The following NTRK2 variants were observed in gnomAD, a reference collection of about 807,000 sequenced individuals.
NTRK2 encodes the protein neurotrophic receptor tyrosine kinase 2.
A neutral mutation model predicts 94.5 loss-of-function variants in NTRK2; 13 were observed. That is an observed-to-expected ratio of 0.14 (90% CI 0.09 to 0.22). The LOEUF (loss-of-function observed/expected upper bound fraction) is 0.22. Among genes scored for constraint, NTRK2 ranks in the 10% least tolerant of loss-of-function variants. The pLI, the probability that NTRK2 is intolerant of heterozygous loss-of-function variation, is 1.00. For synonymous variants in NTRK2, 372 were observed against 407.4 expected (o/e 0.91, Z 1.05); for missense variants, 639 against 1,071.2 (o/e 0.60, Z 5.63).
chr9:84,880,013 G>A (rs936350378), intron 14 of NTRK2, among the ~76,000 whole-genome samples: 17 of 152,026 alleles, frequency 1.1e-4, no homozygotes, highest in African/African-American at 3.9e-4. Context: ...ATATAAAGCC[G>A]TTATTTTTAT....
chr9:84,761,317 G>C (rs2065545299), intron 12 of NTRK2, among the ~76,000 whole-genome samples: 1 of 152,146 alleles, frequency 6.6e-6, no homozygotes, highest in African/African-American at 2.4e-5. Flanking sequence ...AGGGTGCTGT[G>C]GGGAGGGAGA....
intron 2 of NTRK2, among the ~76,000 whole-genome samples, chr9:84,694,245 A>G (rs551404195): frequency 2.8e-4 from 43 of 152,146 alleles, no homozygotes; most frequent in Non-Finnish European, 5.0e-4. Context: ...CTTCTGAAAA[A>G]TGGGAACAAT....
intron 12 of NTRK2, among the ~76,000 whole-genome samples, chr9:84,783,276 T>C (rs1449995211): frequency 6.6e-6 from 1 of 152,248 alleles, no homozygotes; most frequent in Non-Finnish European, 1.5e-5. Context: ...TTTGTATCTG[T>C]ATCACATTTT....
At chr9:84,830,874 C>G (rs1050556581) in intron 12 of NTRK2, among the ~76,000 whole-genome samples, 6 of 152,048 alleles carry the variant, frequency 3.9e-5, no homozygotes, top group Admixed American at 2.0e-4. Flanking sequence ...TCCTGCCACC[C>G]AGAAATATTT....
intron 9 of NTRK2, among the ~76,000 whole-genome samples, chr9:84,740,269 T>G (rs1275739568): frequency 6.6e-6 from 1 of 152,240 alleles, no homozygotes; most frequent in Admixed American, 6.5e-5. Flanking sequence ...GCTGCTGCTT[T>G]ATTCATTGAG....
chr9:84,968,699 G>A (rs576300836), intron 17 of NTRK2, among the ~76,000 whole-genome samples: 1 of 152,290 alleles, frequency 6.6e-6, no homozygotes, highest in South Asian at 2.1e-4. Context: ...TCTCATCTTA[G>A]TAAAATGGTA....
rs750741559 is a variant in NTRK2 at position 84,934,178 on chromosome 9, G to A, written c.1650G>A (p.Lys550=). Residue 550 remains lysine, a synonymous_variant, in exon 15 of 19, where the codon AAG becomes AAA. Coordinates refer to ENST00000277120, the MANE Select transcript of NTRK2 (RefSeq NM_006180.6). The stretch of plus-strand genomic sequence containing the variant: ...GTTTTGCAGTTGTTCAGCACATCAA[G>A]CGACATAACATTGTTCTGAAAAGGG... ...LKPDTFVQHI[K]RHNIVLKREL... 1 of 1,613,950 alleles carries A rather than the reference G, an allele frequency of 6.2e-7. No homozygotes were observed.
At chr9:84,995,432 C>T (rs371585195) in intron 17 of NTRK2, among the ~76,000 whole-genome samples, 1 of 152,024 alleles carries the variant, frequency 6.6e-6, no homozygotes, top group African/African-American at 2.4e-5. Flanking sequence ...TCTCACTTTG[C>T]CCAATGAGAC....
intron 17 of NTRK2, among the ~76,000 whole-genome samples, chr9:85,014,304 G>T (rs1831973951): frequency 6.6e-6 from 1 of 152,146 alleles, no homozygotes; most frequent in African/African-American, 2.4e-5. Flanking sequence ...AACATAGTGG[G>T]GAGAGCTAAC....
Position 85,002,597 on chromosome 9 carries a change from T to C in NTRK2, c.2173-17609T>C, listed in dbSNP as rs372282173. 9.2e-5 allele frequency among the ~76,000 whole-genome samples: 14 copies of C among 152,234 alleles called. No homozygotes were observed. The East Asian group carries it at 2.5e-3, about 27-fold the overall frequency. ...TGTTCAGCAAATGGATAAAAGCCTTTCACAAATTCCTCAAAAATAAACACT... is the reference window on the plus strand; with the variant it reads ...TGTTCAGCAAATGGATAAAAGCCTTCCACAAATTCCTCAAAAATAAACACT... On this transcript the variant is annotated intron_variant, in intron 17 of 18. Transcript: ENST00000277120.
intron 12 of NTRK2, among the ~76,000 whole-genome samples, chr9:84,777,234 A>T (rs1314743033): frequency 2.6e-5 from 4 of 152,176 alleles, no homozygotes; most frequent in African/African-American, 9.6e-5. Context: ...TGGTTGTCCC[A>T]TTTTAGTACA....
In NTRK2 at chr9:84,669,776, T is replaced by G. The variant is rs931900994; in HGVS notation, c.-485T>G. ...GGCGGCGGCGGCTCCCGGAATTGGG[T>G]TGGAGCAGGAGCCTCGCTGGCTGCT... On this transcript the variant is annotated 5_prime_UTR_variant, in exon 1 of 19. Coordinates refer to ENST00000277120, the MANE Select transcript of NTRK2 (RefSeq NM_006180.6). The surrounding 1 kb of genome is among the most constrained non-coding windows in gnomAD (Gnocchi z 4.1). 1 of 153,280 alleles carries G rather than the reference T, an allele frequency of 6.5e-6. No individual in the cohort carries two copies. The highest frequency in any genetic ancestry group is 1.5e-5 in the Non-Finnish European group (1 of 68,652). 9.5% of individuals were successfully genotyped at this position (153,280 alleles called of 1,614,324 possible).
intron 14 of NTRK2, 63 bp from the exon 15 acceptor site, chr9:84,934,099 T>A: frequency 6.2e-7 from 1 of 1,603,150 alleles, no homozygotes; most frequent in Non-Finnish European, 8.5e-7. Context: ...CACCAACTCT[T>A]CACCCGCTGC....
chr9:84,797,625 T>C (rs374760606), intron 12 of NTRK2, among the ~76,000 whole-genome samples: 687 of 58,764 alleles, frequency 0.012, 16 homozygotes, highest in Non-Finnish European at 0.019. Context: ...ATATACTATA[T>C]ATTATATATT....
intron 12 of NTRK2, among the ~76,000 whole-genome samples, chr9:84,762,061 C>T (rs1295928293): frequency 6.6e-6 from 1 of 152,246 alleles, no homozygotes; most frequent in Non-Finnish European, 1.5e-5. Context: ...TACACAAGCT[C>T]TCTCTTGCAC....
In NTRK2 at chr9:85,021,393, A is replaced by G. The variant is rs200900730; in HGVS notation, c.2473A>G (p.Asn825Asp). 20 of 1,613,998 alleles carry G rather than the reference A, an allele frequency of 1.2e-5. No homozygotes were observed. The highest frequency in any genetic ancestry group is 6.7e-5 in the Admixed American group (4 of 60,006). Reference protein sequence around the residue: ...NIKGIHTLLQNLAKASPVYLD... With the variant: ...NIKGIHTLLQDLAKASPVYLD... ...CAAGGGCATCCATACCCTCCTTCAG[A>G]ACTTGGCCAAGGCATCTCCGGTCTA... Residue 825 changes from asparagine (N) to aspartate (D), a missense_variant, in exon 19 of 19, where the codon AAC (asparagine) becomes GAC (aspartate). Physicochemically the swap from Asn to Asp is conservative, Grantham distance 23. This residue lies in a region of NTRK2 where 77 missense variants were observed against 203.6 expected (regional missense o/e 0.38). Coordinates refer to ENST00000277120, the MANE Select transcript of NTRK2 (RefSeq NM_006180.6).
intron 12 of NTRK2, among the ~76,000 whole-genome samples, chr9:84,765,240 AG>A (rs1339315974): frequency 6.6e-6 from 1 of 152,250 alleles, no homozygotes; most frequent in Non-Finnish European, 1.5e-5. Context: ...TAAATGCTTG[AG>A]GGGATAAATA....
intron 14 of NTRK2, chr9:84,874,061 T>C: frequency 9.4e-7 from 1 of 1,064,276 alleles, no homozygotes; most frequent in Non-Finnish European, 1.1e-6. Context: ...CTAATGTATT[T>C]GTTCTGGGTA....
intron 11 of NTRK2, among the ~76,000 whole-genome samples, chr9:84,751,626 A>T (rs2064621337): frequency 6.6e-6 from 1 of 151,880 alleles, no homozygotes; most frequent in African/African-American, 2.4e-5. Flanking sequence ...TGCTGTTCAT[A>T]TTTCATATTC....
Sources: allele counts gnomAD v4.1 joint callset (sites outside exome capture counted in the v4.1 genomes callset), GRCh38; gene constraint gnomAD v4.1.1; regional missense constraint gnomAD v4.1.1; non-coding constraint Gnocchi (gnomAD v3.1); transcripts MANE v1.5; gene names NCBI Gene and HGNC (gene_info 2026-07-23, HGNC 2026-07-21).